CLCA2: variants seen among roughly 807,000 people sequenced by gnomAD.
CLCA2 encodes calcium-activated chloride channel regulator 2.
In CLCA2, 85 loss-of-function variants were observed where a neutral mutation model predicts 82.9. The observed-to-expected ratio is 1.03, with a 90% CI of 0.86 to 1.23. The LOEUF is 1.23. Among genes scored for constraint, CLCA2 ranks in the 50% most tolerant of loss-of-function variants. The pLI is 0.00. For missense variants in CLCA2, 1,089 were observed against 1,124.8 expected (o/e 0.97, Z 0.45); for synonymous variants, 421 against 391.7 (o/e 1.07, Z -0.88).
rs564959784 is a variant in CLCA2, at chr1:86,447,639, C to T, written c.1845C>T (p.Ser615=). 1.2e-5 allele frequency: 20 copies of T among 1,614,098 alleles called. No individual in the cohort carries two copies. In the East Asian group the frequency reaches 3.3e-4, roughly 27 times the overall value. The change falls in exon 11 of 14, where the codon AGC becomes AGT. Residue 615 remains serine (S), a synonymous_variant. Transcript: ENST00000370565. ...ATVEAFVERD[S]LHFPHPVMIY... ...TGGAAGCCTTTGTGGAAAGAGACAG[C>T]CTCCATTTTCCTCATCCTGTGATGA...
chr1:86,455,197 G>A lies in CLCA2; in HGVS notation c.2502G>A (p.Arg834=). The change falls in exon 14 of 14, where the codon AGG becomes AGA. Residue 834 remains arginine, a synonymous_variant. Transcript: ENST00000370565. ...SKRNPQQAGI[R]EIFTFSPQIS... is the part of the protein sequence containing the mutation. ...GAAATCCTCAGCAAGCTGGCATCAGGGAGATATTTACGTTCTCACCCCAAA... is the reference window on the plus strand; with the variant it reads ...GAAATCCTCAGCAAGCTGGCATCAGAGAGATATTTACGTTCTCACCCCAAA... The A allele has an allele frequency of 6.2e-7, 1 of 1,613,918 alleles. No homozygotes were observed. The highest frequency in any genetic ancestry group is 1.3e-5 in the African/African-American group (1 of 75,030).
Position 86,453,466 on chromosome 1 carries a change from A to G in CLCA2, c.2253A>G (p.Ser751=). ...FSRVSSGGSF[S]VLGVPAGPHP... is the part of the protein sequence containing the mutation. Reference sequence around the variant, plus strand: ...GAGTCAGCTCAGGAGGCTCCTTTTCAGTGCTGGGAGTTCCAGCTGGCCCCC... The same window carrying G: ...GAGTCAGCTCAGGAGGCTCCTTTTCGGTGCTGGGAGTTCCAGCTGGCCCCC... The change falls in exon 13 of 14, where the codon TCA becomes TCG. Residue 751 remains serine (S), a synonymous_variant. Transcript: ENST00000370565. 2.5e-6 allele frequency: 4 copies of G among 1,614,162 alleles called. No homozygotes were observed. Among genetic ancestry groups the G allele is most frequent in the Non-Finnish European group, 3.4e-6 (4 of 1,180,028 alleles).
At chr1:86,446,676 T>G (rs1662861067) in intron 10 of CLCA2, among the ~76,000 whole-genome samples, 1 of 152,222 alleles carries the variant, frequency 6.6e-6, no homozygotes, top group Admixed American at 6.5e-5. Context: ...GAGTTACGCT[T>G]CAACCCCTTG....
chr1:86,441,469 A>G lies in CLCA2; in HGVS notation c.1414A>G (p.Asn472Asp), dbSNP rs775695100. 2.5e-6 allele frequency: 4 copies of G among 1,609,310 alleles called. No individual in the cohort carries two copies. The African/African-American group carries it at 4.0e-5, about 16-fold the overall frequency. The change falls in exon 9 of 14, where the codon AAC becomes GAC. Residue 472 changes from asparagine to aspartate, a missense_variant. Coordinates refer to ENST00000370565, the MANE Select transcript of CLCA2 (RefSeq NM_006536.7). Reference protein sequence around the residue: ...GLKFFVPDISNSNSMIDAFSR... With the variant: ...GLKFFVPDISDSNSMIDAFSR... ...AAAGTTCTTTGTTCCAGATATATCA[A>G]ACTCCAATAGCATGATTGATGCTTT...
chr1:86,451,457 C>T (rs1570268231), intron 12 of CLCA2, among the ~76,000 whole-genome samples: 1 of 152,208 alleles, frequency 6.6e-6, no homozygotes, highest in South Asian at 2.1e-4. Flanking sequence ...TATTCCACAC[C>T]ATGATTCTAT....
chr1:86,439,421 C>T (rs1402195186), intron 7 of CLCA2, among the ~76,000 whole-genome samples: 1 of 152,182 alleles, frequency 6.6e-6, no homozygotes, highest in Non-Finnish European at 1.5e-5. Flanking sequence ...CTGTTCCTAG[C>T]CATTCTGGGC....
At chr1:86,448,739 G>C (rs1027722309) in intron 11 of CLCA2, among the ~76,000 whole-genome samples, 3 of 152,230 alleles carry the variant, frequency 2.0e-5, no homozygotes, top group African/African-American at 7.2e-5. Flanking sequence ...TCATTCAAAG[G>C]GTTTTGGTTC....
intron 11 of CLCA2, among the ~76,000 whole-genome samples, chr1:86,449,956 A>G (rs1662930317): frequency 6.6e-6 from 1 of 152,188 alleles, no homozygotes; most frequent in Non-Finnish European, 1.5e-5. Flanking sequence ...GAAGCAAGGC[A>G]CAGTAGATGC....
intron 12 of CLCA2, among the ~76,000 whole-genome samples, chr1:86,452,748 A>G (rs1161046040): frequency 1.3e-5 from 2 of 152,094 alleles, no homozygotes; most frequent in African/African-American, 4.8e-5. Context: ...CTTTCATAGC[A>G]TCCTGTCTTC....
intron 13 of CLCA2, among the ~76,000 whole-genome samples, chr1:86,454,245 T>C (rs1663028816): frequency 6.6e-6 from 1 of 152,210 alleles, no homozygotes; most frequent in Non-Finnish European, 1.5e-5. Context: ...CCCCATTAAT[T>C]TGAATTCCAC....
In CLCA2 at chr1:86,424,430, T is replaced by C. The variant is rs1225869893; in HGVS notation, c.183T>C (p.Ile61=). 6.2e-7 allele frequency: 1 copy of C among 1,606,078 alleles called. No individual in the cohort carries two copies. Among genetic ancestry groups the C allele is most frequent in the Admixed American group, 1.7e-5 (1 of 59,034 alleles). ...VPENQNLISN[I]KEMITEASFY... is the part of the protein sequence containing the mutation. ...AGAATCAGAACCTCATCTCAAACAT[T>C]AAGGTGAGTGGAAATTATGAAATTG... is the stretch of plus-strand genomic sequence containing the variant. Residue 61 remains isoleucine (I), a synonymous_variant, in exon 1 of 14, where the codon ATT becomes ATC. Coordinates refer to ENST00000370565, the MANE Select transcript of CLCA2 (RefSeq NM_006536.7).
At chr1:86,450,095 T>TA (rs1558118823) in intron 11 of CLCA2, among the ~76,000 whole-genome samples, 1 of 152,166 alleles carries the variant, frequency 6.6e-6, no homozygotes, top group Non-Finnish European at 1.5e-5. Flanking sequence ...TTTTATTTAT[T>TA]AAAGGTCCTT....
chr1:86,432,620 A>G (rs1662523808), intron 5 of CLCA2, 92 bp downstream of exon 5: 2 of 1,441,874 alleles, frequency 1.4e-6, no homozygotes, highest in African/African-American at 1.4e-5. Flanking sequence ...AAGATGCACT[A>G]TACTTTAGAA....
In CLCA2 at chr1:86,441,507, C is replaced by G; in HGVS notation, c.1452C>G (p.Ser484=). 1 of 1,612,062 alleles carries G rather than the reference C, an allele frequency of 6.2e-7. No individual in the cohort carries two copies. The highest frequency in any genetic ancestry group is 8.5e-7 in the Non-Finnish European group (1 of 1,178,568). Residue 484 remains serine (S), a synonymous_variant, in exon 9 of 14, where the codon TCC becomes TCG. Coordinates refer to ENST00000370565, the MANE Select transcript of CLCA2 (RefSeq NM_006536.7). Reference sequence around the variant, plus strand: ...TGATTGATGCTTTCAGTAGAATTTCCTCTGGAACTGGAGACATTTTCCAGC... The same window carrying G: ...TGATTGATGCTTTCAGTAGAATTTCGTCTGGAACTGGAGACATTTTCCAGC... ...NSMIDAFSRI[S]SGTGDIFQQH... is the part of the protein sequence containing the mutation.
chr1:86,443,715 T>C (rs2101705652), intron 9 of CLCA2, 72 bp from the exon 10 acceptor site: 1 of 1,128,020 alleles, frequency 8.9e-7, no homozygotes, highest in Non-Finnish European at 1.3e-6. Context: ...TAATTGTTGT[T>C]TGTTAAAAAA....
chr1:86,434,727 G>A lies in CLCA2; in HGVS notation c.954G>A (p.Val318=). Residue 318 remains valine, a synonymous_variant, in exon 6 of 14, where the codon GTG becomes GTA. Transcript: ENST00000370565. The part of the protein sequence containing the change: ...GDKVVCLVLD[V]SSKMAEADRL... ...AAGTGGTCTGTTTAGTGCTGGATGT[G>A]TCCAGCAAGATGGCAGAGGTAACAT... The A allele has an allele frequency of 5.0e-6, 8 of 1,610,706 alleles. No individual in the cohort carries two copies. The highest frequency in any genetic ancestry group is 6.8e-6 in the Non-Finnish European group (8 of 1,177,048).
chr1:86,440,612 G>T (rs931552049), intron 8 of CLCA2, among the ~76,000 whole-genome samples: 1 of 152,028 alleles, frequency 6.6e-6, no homozygotes, highest in South Asian at 2.1e-4. Flanking sequence ...AAGATTAAAT[G>T]CTTTGTGGGC....
At chr1:86,426,967 C>T (rs989247090) in intron 2 of CLCA2, among the ~76,000 whole-genome samples, 1 of 152,216 alleles carries the variant, frequency 6.6e-6, no homozygotes, top group Admixed American at 6.5e-5. Context: ...CCAAAGGAAA[C>T]AATCGTCCCT....
In CLCA2 at chr1:86,428,534, G is replaced by A. The variant is rs1662433491; in HGVS notation, c.441G>A (p.Leu147=). ...KYIHFTPNFL[L]NDNLTAGYGS... The stretch of plus-strand genomic sequence containing the variant: ...TTCATTTCACACCTAATTTCCTACT[G>A]AATGATAACTTAACAGCTGGCTACG... The change falls in exon 3 of 14, where the codon CTG becomes CTA. Residue 147 remains leucine (L), a synonymous_variant. Coordinates refer to ENST00000370565, the MANE Select transcript of CLCA2 (RefSeq NM_006536.7). The A allele has an allele frequency of 6.2e-7, 1 of 1,613,706 alleles. No homozygotes were observed. Among genetic ancestry groups the A allele is most frequent in the African/African-American group, 1.3e-5 (1 of 75,010 alleles).
Sources: gnomAD v4.1 joint callset for allele counts (sites outside exome capture counted in the v4.1 genomes callset) on GRCh38, gnomAD v4.1.1 for gene constraint, MANE v1.5 for transcripts, NCBI Gene and HGNC (gene_info 2026-07-23, HGNC 2026-07-21) for gene names.